DMBT1: variants seen among roughly 807,000 people sequenced by gnomAD.
DMBT1 encodes deleted in malignant brain tumors 1, also known as scavenger receptor cysteine-rich domain-containing protein DMBT1.
In DMBT1, 198 loss-of-function variants were observed where a neutral mutation model predicts 252.9. That is an observed-to-expected ratio of 0.78 (90% CI 0.70 to 0.88). The LOEUF (loss-of-function observed/expected upper bound fraction) is 0.88. Ranked by LOEUF, DMBT1 falls within the 40% of genes least tolerant of loss-of-function variation. The pLI is 0.00. For missense variants in DMBT1, 2,432 were observed against 2,404.7 expected (o/e 1.01, Z -0.24); for synonymous variants, 990 against 942.7 (o/e 1.05, Z -0.92).
chr10:122,640,510 C>T (rs112615325), intron 55 of DMBT1, 61 bp downstream of exon 55: 2 of 1,512,998 alleles, frequency 1.3e-6, no homozygotes, highest in African/African-American at 1.4e-5. Context: ...ACATGAGTAG[C>T]CCCAAAGGCT....
rs2097779762 is a variant in DMBT1 at position 122,585,279 on chromosome 10, C to A, written c.1429C>A (p.Pro477Thr). Residue 477 changes from proline to threonine, a missense_variant, in exon 15 of 56, where the codon CCG (proline) becomes ACG (threonine). By Grantham distance (38) the Pro-to-Thr change is conservative (BLOSUM62 -1). Coordinates refer to ENST00000338354, the MANE Select transcript of DMBT1 (RefSeq NM_001377530.1). ...SWSTPSPDTL[P>T]TITLPASTVG... ...CTCTGTTGCAATTACAGACACGTTGCCGACCATCACCTTACCTGCATCGAC... is the reference window on the plus strand; with the variant it reads ...CTCTGTTGCAATTACAGACACGTTGACGACCATCACCTTACCTGCATCGAC... The A allele has an allele frequency of 2.5e-6, 4 of 1,586,880 alleles. 1 individual carries two copies. In the East Asian group the frequency reaches 7.0e-5, roughly 28 times the overall value.
At chr10:122,568,729 G>C (rs1486497489) in intron 2 of DMBT1, among the ~76,000 whole-genome samples, 2 of 152,238 alleles carry the variant, frequency 1.3e-5, no homozygotes, top group South Asian at 4.1e-4. Flanking sequence ...CAGGCAGCTC[G>C]GCTGTGGCTA....
intron 42 of DMBT1, 120 bp downstream of exon 42, chr10:122,619,457 T>A (rs1591474840): frequency 1.5e-6 from 2 of 1,334,484 alleles, no homozygotes; most frequent in Non-Finnish European, 2.1e-6. Context: ...TTATTTTTCC[T>A]CCCACCACTC....
Position 122,592,426 on chromosome 10 carries a change from C to G in DMBT1, c.2331C>G (p.Gly777=). The change falls in exon 20 of 56, where the codon GGC becomes GGG. Residue 777 remains glycine (G), a synonymous_variant. Coordinates refer to ENST00000338354, the MANE Select transcript of DMBT1 (RefSeq NM_001377530.1). ...TGGTCTGCAGGCAGCTGGGCTGTGG[C>G]TGGGCCACGTCGGCCCCAGGAAATG... ...ANVVCRQLGC[G]WATSAPGNAR... The G allele has an allele frequency of 1.3e-6, 2 of 1,588,418 alleles. No homozygotes were observed. The highest frequency in any genetic ancestry group is 3.4e-5 in the Admixed American group (2 of 59,538).
At chr10:122,631,345 G>A in intron 49 of DMBT1, 64 bp downstream of exon 49, 3 of 1,572,104 alleles carry the variant, frequency 1.9e-6, no homozygotes, top group Non-Finnish European at 2.6e-6. Context: ...AGAGCTTAAG[G>A]CCAGTGGCTG....
intron 16 of DMBT1, among the ~76,000 whole-genome samples, chr10:122,587,389 C>A (rs975125522): frequency 6.7e-6 from 1 of 148,624 alleles, no homozygotes; most frequent in Non-Finnish European, 1.5e-5. Flanking sequence ...GGTGTGAGTG[C>A]TTGATTGCAA....
At chr10:122,599,825 C>T (rs1269817693) in intron 26 of DMBT1, among the ~76,000 whole-genome samples, 2 of 151,984 alleles carry the variant, frequency 1.3e-5, no homozygotes. Flanking sequence ...TTTAGGCCAA[C>T]CGGGTTACCC....
At chr10:122,600,677 C>G (rs995981203) in intron 27 of DMBT1, among the ~76,000 whole-genome samples, 1 of 152,198 alleles carries the variant, frequency 6.6e-6, no homozygotes, top group African/African-American at 2.4e-5. Flanking sequence ...AGTGTCCGAG[C>G]CTCAGCAATG....
chr10:122,623,152 T>A (rs749449590), intron 44 of DMBT1, among the ~76,000 whole-genome samples: 48 of 152,242 alleles, frequency 3.2e-4, no homozygotes, highest in Non-Finnish European at 5.9e-4. Flanking sequence ...TTTCTATGAA[T>A]GGAATCATAG....
chr10:122,625,930 T>G lies in DMBT1; in HGVS notation c.5636-3T>G. The G allele has an allele frequency of 6.2e-7, 1 of 1,609,680 alleles. No individual in the cohort carries two copies. Among genetic ancestry groups the G allele is most frequent in the African/African-American group, 1.3e-5 (1 of 74,960 alleles). On this transcript the variant is annotated splice_region_variant and splice_polypyrimidine_tract_variant and intron_variant, in intron 45 of 55. Coordinates refer to ENST00000338354, the MANE Select transcript of DMBT1 (RefSeq NM_001377530.1). ...TCCTAAACAGCTTCATTTTTTTTTC[T>G]AGATTGGTGGCATCCAACAACTACA...
intron 1 of DMBT1, among the ~76,000 whole-genome samples, chr10:122,563,823 G>A (rs1424234076): frequency 6.6e-6 from 1 of 152,158 alleles, no homozygotes. Flanking sequence ...CAAGGCTCTG[G>A]CTGGATGAGT....
In DMBT1 at chr10:122,576,713, A is replaced by G; in HGVS notation, c.598A>G (p.Ile200Val). The change falls in exon 7 of 56, where the codon ATC becomes GTC. Residue 200 changes from isoleucine to valine, a missense_variant. Physicochemically the swap from Ile to Val is conservative, Grantham distance 29. Transcript: ENST00000338354. ...NCGHGEDAGV[I>V]CSAAQPQSTL... is the part of the protein sequence containing the mutation. ...TGGCCATGGTGAAGATGCTGGTGTT[A>G]TCTGCTCAGGTAGGCATCCAGATCT... The G allele has an allele frequency of 1.2e-6, 2 of 1,613,766 alleles. No homozygotes were observed. Among genetic ancestry groups the G allele is most frequent in the Non-Finnish European group, 1.7e-6 (2 of 1,179,716 alleles).
At chr10:122,622,910 C>T (rs1421195170) in intron 44 of DMBT1, among the ~76,000 whole-genome samples, 1 of 152,206 alleles carries the variant, frequency 6.6e-6, no homozygotes, top group Non-Finnish European at 1.5e-5. Flanking sequence ...ACTATCTGCT[C>T]TTTGCTGGTT....
At chr10:122,573,596 T>G in intron 5 of DMBT1, 119 bp from the exon 6 acceptor site, 1 of 1,282,410 alleles carries the variant, frequency 7.8e-7, no homozygotes, top group South Asian at 1.2e-5. Context: ...CTTTTAGCAA[T>G]GGATGGTGCC....
In DMBT1 at chr10:122,625,863, G is replaced by A. The variant is rs367627956; in HGVS notation, c.5636-70G>A. ...TAAGGAAAAGGATTTAACTTTGTCA[G>A]TCAAACAAATTACTATGGAATGGAA... is the stretch of plus-strand genomic sequence containing the variant. On this transcript the variant is annotated intron_variant, in intron 45 of 55. Transcript: ENST00000338354. 1.8e-5 allele frequency: 24 copies of A among 1,305,938 alleles called. No homozygotes were observed. In the African/African-American group the frequency reaches 3.3e-4, roughly 18 times the overall value. 80.9% of individuals were successfully genotyped at this position (1,305,938 alleles called of 1,614,324 possible).
intron 2 of DMBT1, among the ~76,000 whole-genome samples, chr10:122,569,704 A>T (rs183330247): frequency 7.9e-4 from 120 of 152,272 alleles, no homozygotes; most frequent in African/African-American, 2.5e-3. Context: ...CCATGCAGCC[A>T]CTTTGTGAGT....
At position 122,570,886 on chromosome 10, in the gene DMBT1, G is replaced by T. The variant is rs1457520786; in HGVS notation, c.140-4G>T. ...AATGAGCTCTTCCTTTCTCCACCCT[G>T]CAGGTTCTCCATTTCCCTCGGAGTC... On this transcript the variant is annotated splice_region_variant and splice_polypyrimidine_tract_variant and intron_variant, in intron 3 of 55. Transcript: ENST00000338354. The T allele has an allele frequency of 1.2e-6, 2 of 1,613,312 alleles. No individual in the cohort carries two copies. Among genetic ancestry groups the T allele is most frequent in the Non-Finnish European group, 1.7e-6 (2 of 1,179,270 alleles).
chr10:122,624,804 C>T (rs1370283211), intron 44 of DMBT1, among the ~76,000 whole-genome samples: 1 of 152,204 alleles, frequency 6.6e-6, no homozygotes, highest in East Asian at 1.9e-4. Context: ...GGCTGGCTCT[C>T]CCACAGCTGT....
chr10:122,590,546 C>T (rs909129844), intron 17 of DMBT1, 119 bp from the exon 18 acceptor site: 20 of 1,264,802 alleles, frequency 1.6e-5, no homozygotes, highest in Admixed American at 1.2e-4. Context: ...AATGCCCCTC[C>T]CTCTGTGATG....
Sources: allele counts gnomAD v4.1 joint callset (sites outside exome capture counted in the v4.1 genomes callset), GRCh38; gene constraint gnomAD v4.1.1; transcripts MANE v1.5; gene names NCBI Gene and HGNC (gene_info 2026-07-23, HGNC 2026-07-21).